Variants in CTBS observed in about 807,000 individuals in gnomAD.
The protein encoded by CTBS is chitobiase.
In CTBS, 35 loss-of-function variants were observed where a neutral mutation model predicts 44.3. The ratio of observed to expected loss-of-function variants is 0.79; its 90% CI spans 0.60 to 1.05. The LOEUF (loss-of-function observed/expected upper bound fraction) is 1.05, where lower values mean the gene tolerates loss of function less well. Among genes scored for constraint, CTBS ranks in the 50% least tolerant of loss-of-function variants. The pLI is 0.00. For missense variants in CTBS, 458 were observed against 475.3 expected (o/e 0.96, Z 0.34); for synonymous variants, 143 against 168.0 (o/e 0.85, Z 1.15).
chr1:84,558,365 C>A (rs932919723), intron 6 of CTBS, among the ~76,000 whole-genome samples: 2 of 150,946 alleles, frequency 1.3e-5, no homozygotes, highest in African/African-American at 4.9e-5. Flanking sequence ...TCTCGGCTCA[C>A]TGCAAGCTCC....
At position 84,553,092 on chromosome 1, in the gene CTBS, A is replaced by G. The variant is rs1271313332; in HGVS notation, c.*1907T>C. 2 of 1,526,544 alleles carry G rather than the reference A, an allele frequency of 1.3e-6. No homozygotes were observed. 94.6% of individuals were successfully genotyped at this position (1,526,544 alleles called of 1,614,324 possible). The stretch of plus-strand genomic sequence containing the variant: ...ATTGAAAACTGAACTGGCACAGAAA[A>G]AAAAAATAATACATCTCTACAATCT... On this transcript the variant is annotated 3_prime_UTR_variant, in exon 7 of 7. Transcript: ENST00000370630.
intron 6 of CTBS, 96 bp from the exon 7 acceptor site, chr1:84,555,295 A>T (rs1199603837): frequency 4.4e-6 from 4 of 917,770 alleles, no homozygotes; most frequent in Non-Finnish European, 6.2e-6. Flanking sequence ...GTACAGTAAG[A>T]GGGAAAAAAG....
Position 84,554,026 on chromosome 1 carries a change from C to T in CTBS, c.*973G>A, listed in dbSNP as rs1684354372. 1.3e-5 allele frequency: 2 copies of T among 152,130 alleles called. No individual in the cohort carries two copies. Among genetic ancestry groups the T allele is most frequent in the African/African-American group, 4.8e-5 (2 of 41,398 alleles). 9.4% of individuals were successfully genotyped at this position (152,130 alleles called of 1,614,324 possible). A position where few individuals can be genotyped will look rare whatever the true frequency, so the allele number is the denominator to read the frequency against. ...ACAATGCAGCTCATGCCTGTAATCC[C>T]AGCTCTTTAGGAAGCCAAGGCAGGA... On this transcript the variant is annotated 3_prime_UTR_variant, in exon 7 of 7. Transcript: ENST00000370630.
At chr1:84,569,113 AT>A (rs1647217283) in intron 3 of CTBS, among the ~76,000 whole-genome samples, 2 of 152,322 alleles carry the variant, frequency 1.3e-5, no homozygotes, top group South Asian at 2.1e-4. Flanking sequence ...ACTGGAATAC[AT>A]TTTTAAGCAT....
At chr1:84,568,540 A>C (rs976967271) in intron 3 of CTBS, among the ~76,000 whole-genome samples, 11 of 152,156 alleles carry the variant, frequency 7.2e-5, no homozygotes, top group Non-Finnish European at 1.6e-4. Context: ...ATGATGACCA[A>C]CTCTACCAGA....
chr1:84,570,905 G>A (rs1429669588), intron 1 of CTBS, among the ~76,000 whole-genome samples, 185 bp from the exon 2 acceptor site: 1 of 152,200 alleles, frequency 6.6e-6, no homozygotes, highest in East Asian at 1.9e-4. Flanking sequence ...GGAAAGAGGG[G>A]AAGGATGGGC....
intron 4 of CTBS, among the ~76,000 whole-genome samples, chr1:84,564,455 G>C (rs991746495): frequency 2.6e-5 from 4 of 151,978 alleles, no homozygotes; most frequent in African/African-American, 9.7e-5. Flanking sequence ...ACTTTTTAGA[G>C]CCTTTAATGT....
chr1:84,555,055 T>C lies in CTBS; in HGVS notation c.1102A>G (p.Lys368Glu). 1 of 1,614,046 alleles carries C rather than the reference T, an allele frequency of 6.2e-7. No homozygotes were observed. The highest frequency in any genetic ancestry group is 8.5e-7 in the Non-Finnish European group (1 of 1,179,954). Residue 368 changes from lysine to glutamate, a missense_variant, in exon 7 of 7, where the codon AAA becomes GAA. Physicochemically the swap from Lys to Glu is moderately conservative, Grantham distance 56. Coordinates refer to ENST00000370630, the MANE Select transcript of CTBS (RefSeq NM_004388.3). ...TCCCACATTTCTTCAGTTTGCTGTT[T>C]GGCTACAGCATCTCCAGAGTAGTCA... is the stretch of plus-strand genomic sequence containing the variant. ...CLDYSGDAVAKQQTEEMWEVL... is the reference protein window; with the variant it reads ...CLDYSGDAVAEQQTEEMWEVL...
At chr1:84,563,079 G>A (rs1021513365) in intron 6 of CTBS, among the ~76,000 whole-genome samples, 178 bp downstream of exon 6, 1 of 152,102 alleles carries the variant, frequency 6.6e-6, no homozygotes. Context: ...CCAATTGCTC[G>A]CCAGGGAACT....
At position 84,555,059 on chromosome 1, in the gene CTBS, T is replaced by C. The variant is rs1402237599; in HGVS notation, c.1098A>G (p.Val366=). 1 of 1,613,916 alleles carries C rather than the reference T, an allele frequency of 6.2e-7. No individual in the cohort carries two copies. Among genetic ancestry groups the C allele is most frequent in the Admixed American group, 1.7e-5 (1 of 59,992 alleles). ...ACATTTCTTCAGTTTGCTGTTTGGC[T>C]ACAGCATCTCCAGAGTAGTCAAGAC... ...ANCLDYSGDA[V]AKQQTEEMWE... Residue 366 remains valine (V), a synonymous_variant, in exon 7 of 7, where the codon GTA becomes GTG. Coordinates refer to ENST00000370630, the MANE Select transcript of CTBS (RefSeq NM_004388.3).
chr1:84,568,170 T>A (rs779728317), intron 3 of CTBS, among the ~76,000 whole-genome samples: 14 of 152,338 alleles, frequency 9.2e-5, no homozygotes, highest in Non-Finnish European at 2.1e-4. Context: ...AAAGAGATAT[T>A]CCTACTGCAA....
intron 4 of CTBS, 174 bp from the exon 5 acceptor site, chr1:84,564,006 G>A: frequency 2.7e-6 from 1 of 365,138 alleles, no homozygotes; most frequent in Non-Finnish European, 3.8e-6. Flanking sequence ...TCTATATCTT[G>A]CTTTCTAAAC....
chr1:84,565,428 A>G (rs1177404572), intron 4 of CTBS, among the ~76,000 whole-genome samples: 1 of 152,192 alleles, frequency 6.6e-6, no homozygotes, highest in Non-Finnish European at 1.5e-5. Context: ...GTGCCCAACC[A>G]TATCTATCTT....
At chr1:84,561,819 T>C (rs1238726519) in intron 6 of CTBS, among the ~76,000 whole-genome samples, 1 of 152,244 alleles carries the variant, frequency 6.6e-6, no homozygotes, top group Non-Finnish European at 1.5e-5. Context: ...AAAGTATTTT[T>C]AAATTAAGGT....
chr1:84,571,251 A>G (rs1360542337), intron 1 of CTBS, among the ~76,000 whole-genome samples: 1 of 152,248 alleles, frequency 6.6e-6, no homozygotes, highest in African/African-American at 2.4e-5. Context: ...GAGGAATCCA[A>G]GTAAGAGATG....
chr1:84,563,244 C>A lies in CTBS; in HGVS notation c.957+13G>T. 1 of 1,441,250 alleles carries A rather than the reference C, an allele frequency of 6.9e-7. No individual in the cohort carries two copies. The highest frequency in any genetic ancestry group is 9.2e-7 in the Non-Finnish European group (1 of 1,086,422). The allele number at this position is 1,441,250 out of a possible 1,614,324, so 89.3% of individuals were successfully genotyped here. ...TAATAGAATAAATGCTCATAACTTA[C>A]GAAAAGTCTTACTTTATAGTTATAA... On this transcript the variant is annotated intron_variant, in intron 6 of 6. Coordinates refer to ENST00000370630, the MANE Select transcript of CTBS (RefSeq NM_004388.3).
intron 1 of CTBS, among the ~76,000 whole-genome samples, chr1:84,572,678 T>TC (rs1647349218): frequency 6.6e-6 from 1 of 151,646 alleles, no homozygotes; most frequent in African/African-American, 2.4e-5. Flanking sequence ...TTTTTTTCTC[T>TC]TTTTTGAGAC....
Position 84,563,277 on chromosome 1 carries a change from C to A in CTBS, c.937G>T (p.Ala313Ser). ...CTTACTTTATAGTTATAATAAGGAG[C>A]CCGCTGATCTTTATCCCATAGGTTT... ...SGNLWDKDQR[A>S]PYYNYKDPAG... The change falls in exon 6 of 7, where the codon GCT (alanine) becomes TCT (serine). Residue 313 changes from alanine to serine, a missense_variant. Coordinates refer to ENST00000370630, the MANE Select transcript of CTBS (RefSeq NM_004388.3). 1 of 1,557,482 alleles carries A rather than the reference C, an allele frequency of 6.4e-7. No homozygotes were observed. Among genetic ancestry groups the A allele is most frequent in the Non-Finnish European group, 8.7e-7 (1 of 1,154,054 alleles).
rs1017635742 is a variant in CTBS at position 84,570,138 on chromosome 1, T to A, written c.318A>T (p.Gly106=). 2.5e-6 allele frequency: 4 copies of A among 1,608,812 alleles called. No homozygotes were observed. The highest frequency in any genetic ancestry group is 3.4e-6 in the Non-Finnish European group (4 of 1,178,032). Reference sequence around the variant, plus strand: ...CAATGATATCCTTTAAGGATACATCTCCTGTGGAAGAAGTATATATCTTTT... The same window carrying A: ...CAATGATATCCTTTAAGGATACATCACCTGTGGAAGAAGTATATATCTTTT... ...HSKGARVVLK[G]DVSLKDIIDP... The change falls in exon 3 of 7, where the codon GGA becomes GGT. Residue 106 remains glycine, a splice_region_variant and synonymous_variant. Coordinates refer to ENST00000370630, the MANE Select transcript of CTBS (RefSeq NM_004388.3).
Sources: gnomAD v4.1 joint callset for allele counts (sites outside exome capture counted in the v4.1 genomes callset) on GRCh38, gnomAD v4.1.1 for gene constraint, MANE v1.5 for transcripts, NCBI Gene and HGNC (gene_info 2026-07-23, HGNC 2026-07-21) for gene names.